WDR76: variants seen among roughly 807,000 people sequenced by gnomAD.
WDR76 encodes WD repeat-containing protein 76.
WDR76 carries 52 observed loss-of-function variants against 70.2 expected under a neutral mutation model. The ratio of observed to expected loss-of-function variants is 0.74; its 90% CI spans 0.59 to 0.93. WDR76 has a LOEUF of 0.93. WDR76 is among the 40% of genes least tolerant of loss of function. The pLI is 0.00. For missense variants in WDR76, 756 were observed against 760.2 expected (o/e 0.99, Z 0.07); for synonymous variants, 292 against 271.1 (o/e 1.08, Z -0.76).
chr15:43,843,728 G>A (rs992977317), intron 7 of WDR76, among the ~76,000 whole-genome samples, 173 bp from the exon 8 acceptor site: 2 of 152,076 alleles, frequency 1.3e-5, no homozygotes, highest in African/African-American at 4.8e-5. Flanking sequence ...ATTATCAAGG[G>A]TAATTTAAAA....
chr15:43,832,299 G>C (rs1299388879), intron 2 of WDR76, among the ~76,000 whole-genome samples: 1 of 152,018 alleles, frequency 6.6e-6, no homozygotes, highest in Non-Finnish European at 1.5e-5. Context: ...GGAGGCTAAG[G>C]CTGGAGCCCA....
At position 43,866,683 on chromosome 15, in the gene WDR76, A is replaced by G. The variant is rs2088076746; in HGVS notation, c.*291A>G. 3 of 294,476 alleles carry G rather than the reference A, an allele frequency of 1.0e-5. No individual in the cohort carries two copies. Among genetic ancestry groups the G allele is most frequent in the Admixed American group, 5.0e-5 (1 of 19,924 alleles). 18.2% of individuals were successfully genotyped at this position (294,476 alleles called of 1,614,324 possible). ...CTCTTGTTGCCCAGGCTGGAGTGCAATAGCGCGATCTTGGCTCACCGCAAC... is the reference window on the plus strand; with the variant it reads ...CTCTTGTTGCCCAGGCTGGAGTGCAGTAGCGCGATCTTGGCTCACCGCAAC... On this transcript the variant is annotated 3_prime_UTR_variant, in exon 13 of 13. Coordinates refer to ENST00000263795, the MANE Select transcript of WDR76 (RefSeq NM_024908.4).
At chr15:43,859,961 C>T (rs1158512086) in intron 11 of WDR76, among the ~76,000 whole-genome samples, 1 of 152,162 alleles carries the variant, frequency 6.6e-6, no homozygotes, top group African/African-American at 2.4e-5. Flanking sequence ...ATAAAAATTC[C>T]TCTCTTTGGC....
chr15:43,866,776 G>GCCACC lies in WDR76; in HGVS notation c.*385_*389dup, dbSNP rs1461926668. The GCCACC allele has an allele frequency of 5.9e-6, 1 of 168,822 alleles. No individual in the cohort carries two copies. Among genetic ancestry groups the GCCACC allele is most frequent in the Non-Finnish European group, 1.3e-5 (1 of 77,858 alleles). 10.5% of individuals were successfully genotyped at this position (168,822 alleles called of 1,614,324 possible). On this transcript the variant is annotated 3_prime_UTR_variant, in exon 13 of 13. Transcript: ENST00000263795. ...TAAGTAGCTGGGATTACAGGCACCTGCCACCACGCCTGGCTATTTTTTTGT... is the reference window on the plus strand; with the variant it reads ...TAAGTAGCTGGGATTACAGGCACCTGCCACCCCACCACGCCTGGCTATTTTTTTGT...
chr15:43,859,239 T>G (rs1327735020), intron 11 of WDR76, among the ~76,000 whole-genome samples: 1 of 152,192 alleles, frequency 6.6e-6, no homozygotes, highest in Non-Finnish European at 1.5e-5. Flanking sequence ...AAACTGGGAT[T>G]CTATACAAAC....
chr15:43,841,365 T>C (rs1350805071), intron 5 of WDR76, among the ~76,000 whole-genome samples: 1 of 151,402 alleles, frequency 6.6e-6, no homozygotes, highest in Non-Finnish European at 1.5e-5. Flanking sequence ...CCCGGCTAAT[T>C]TTTTTGTATT....
At chr15:43,828,769 G>C (rs762059411) in intron 2 of WDR76, among the ~76,000 whole-genome samples, 4 of 152,132 alleles carry the variant, frequency 2.6e-5, no homozygotes, top group Non-Finnish European at 5.9e-5. Context: ...AACATAAATT[G>C]ATTCTATGGT....
chr15:43,858,890 CA>C, intron 11 of WDR76, 67 bp downstream of exon 11: 1 of 1,541,990 alleles, frequency 6.5e-7, no homozygotes, highest in Non-Finnish European at 8.8e-7. Context: ...GTCAGTAAAC[CA>C]AAAGCTTTGT....
rs1440003080 is a variant in WDR76, at chr15:43,852,602, C to T, written c.1191+1357C>T. Among the ~76,000 whole-genome samples the T allele has an allele frequency of 5.9e-5, 9 of 151,972 alleles. No individual in the cohort carries two copies. The South Asian group carries it at 1.0e-3, about 18-fold the overall frequency. ...GACCAGGCTGGTCTCGAACTCCTGA[C>T]CTTGTAATCCACCTGCCTCAGCCTC... On this transcript the variant is annotated intron_variant, in intron 9 of 12. Coordinates refer to ENST00000263795, the MANE Select transcript of WDR76 (RefSeq NM_024908.4).
chr15:43,867,603 GA>G lies in WDR76; in HGVS notation c.*1212del, dbSNP rs1296180172. The G allele has an allele frequency of 6.6e-6, 1 of 151,224 alleles. No individual in the cohort carries two copies. Among genetic ancestry groups the G allele is most frequent in the Non-Finnish European group, 1.5e-5 (1 of 67,870 alleles). The allele number at this position is 151,224 out of a possible 1,614,324, so 9.4% of individuals were successfully genotyped here. A position where few individuals can be genotyped will look rare whatever the true frequency, so the allele number is the denominator to read the frequency against. ...TATTACTATAGTACCATGGGTAATGGATAAAGAAGTTAAAGCTACTGCTTAG... is the reference window on the plus strand; with the variant it reads ...TATTACTATAGTACCATGGGTAATGGTAAAGAAGTTAAAGCTACTGCTTAG... On this transcript the variant is annotated 3_prime_UTR_variant, in exon 13 of 13. Coordinates refer to ENST00000263795, the MANE Select transcript of WDR76 (RefSeq NM_024908.4).
At chr15:43,861,243 G>T in intron 11 of WDR76, 90 bp from the exon 12 acceptor site, 3 of 1,101,118 alleles carry the variant, frequency 2.7e-6, no homozygotes, top group South Asian at 2.5e-5. Flanking sequence ...TTCATACCAT[G>T]AATTAATGAG....
At chr15:43,840,458 G>A (rs538775207) in intron 5 of WDR76, among the ~76,000 whole-genome samples, 12 of 152,196 alleles carry the variant, frequency 7.9e-5, no homozygotes, top group South Asian at 4.1e-4. Flanking sequence ...TAATAAATAC[G>A]TGATAATGTG....
At chr15:43,861,165 T>G (rs1199583191) in intron 11 of WDR76, among the ~76,000 whole-genome samples, 168 bp from the exon 12 acceptor site, 3 of 152,096 alleles carry the variant, frequency 2.0e-5, no homozygotes, top group Non-Finnish European at 4.4e-5. Flanking sequence ...GTGATCCTCC[T>G]GTGGATTACA....
At chr15:43,861,759 G>A (rs2087999807) in intron 12 of WDR76, among the ~76,000 whole-genome samples, 1 of 151,718 alleles carries the variant, frequency 6.6e-6, no homozygotes. Flanking sequence ...TCTGGGCCTT[G>A]AGGGCTTCCC....
At chr15:43,830,254 G>A (rs1263442796) in intron 2 of WDR76, among the ~76,000 whole-genome samples, 2 of 151,932 alleles carry the variant, frequency 1.3e-5, no homozygotes, top group African/African-American at 4.8e-5. Flanking sequence ...TATCCCTTTG[G>A]CCTCTTAGAC....
At chr15:43,854,444 C>T (rs1338624328) in intron 9 of WDR76, among the ~76,000 whole-genome samples, 1 of 151,854 alleles carries the variant, frequency 6.6e-6, no homozygotes, top group African/African-American at 2.4e-5. Flanking sequence ...TAGCATGCGC[C>T]TGTGGTCCCA....
chr15:43,849,020 C>G (rs1202682706), intron 8 of WDR76, among the ~76,000 whole-genome samples: 1 of 139,024 alleles, frequency 7.2e-6, no homozygotes, highest in Non-Finnish European at 1.5e-5. Flanking sequence ...ACTAAAAATA[C>G]AAAAATTAGC....
chr15:43,840,228 A>G (rs1260656591), intron 5 of WDR76, among the ~76,000 whole-genome samples: 1 of 152,046 alleles, frequency 6.6e-6, no homozygotes, highest in Non-Finnish European at 1.5e-5. Flanking sequence ...TTTCTGCAGG[A>G]CTTACCTGCT....
intron 10 of WDR76, chr15:43,857,609 C>T (rs1206259419): frequency 1.2e-6 from 1 of 833,620 alleles, no homozygotes; most frequent in Non-Finnish European, 1.4e-6. Context: ...CACTTGAGGT[C>T]AGGAGTTCGA....
Sources: gnomAD v4.1 joint callset for allele counts (sites outside exome capture counted in the v4.1 genomes callset) on GRCh38, gnomAD v4.1.1 for gene constraint, MANE v1.5 for transcripts, NCBI Gene and HGNC (gene_info 2026-07-23, HGNC 2026-07-21) for gene names.